Variants in PKNOX2 observed in about 807,000 individuals in gnomAD.
The protein encoded by PKNOX2 is PBX/knotted 1 homeobox 2.
In PKNOX2, 14 loss-of-function variants were observed where a neutral mutation model predicts 53.1. The observed-to-expected ratio is 0.26, with a 90% CI of 0.17 to 0.41. PKNOX2 has a LOEUF of 0.41. PKNOX2 is among the 10% of genes least tolerant of loss of function. PKNOX2 has a pLI of 1.00. For synonymous variants in PKNOX2, 257 were observed against 242.8 expected, an observed-to-expected ratio of 1.06 and a Z score of -0.54; for missense variants, 496 against 602.8, an observed-to-expected ratio of 0.82 and a Z score of 1.85.
chr11:125,323,127 G>A lies in PKNOX2; in HGVS notation c.-129-8692G>A, dbSNP rs376045681. Among the ~76,000 whole-genome samples the A allele has an allele frequency of 3.9e-5, 6 of 152,168 alleles. No individual in the cohort carries two copies. The South Asian group carries it at 1.0e-3, about 26-fold the overall frequency. On this transcript the variant is annotated intron_variant, in intron 2 of 12. Coordinates refer to ENST00000298282, the MANE Select transcript of PKNOX2 (RefSeq NM_001382323.2). ...CTGATGCAGGAGAGTTATGGATGGA[G>A]GCCAGGTATCTTGGCTCCCAGTGCG... is the stretch of plus-strand genomic sequence containing the variant.
chr11:125,189,223 T>C (rs1324252676), intron 1 of PKNOX2, among the ~76,000 whole-genome samples: 2 of 151,522 alleles, frequency 1.3e-5, no homozygotes. Context: ...TCTGCCAGTC[T>C]GGCCATTTGG....
At position 125,262,220 on chromosome 11, in the gene PKNOX2, G is replaced by T. The variant is rs182059308; in HGVS notation, c.-130+27105G>T. Among the ~76,000 whole-genome samples the T allele has an allele frequency of 2.2e-4, 34 of 152,176 alleles. 1 individual carries two copies. The highest frequency in any genetic ancestry group is 4.8e-4 in the African/African-American group (20 of 41,514). ...ACAGTGAGACAGTGGAGGCGGCGGT[G>T]GGGGGGTGGTTCTTTATGCAGCTGC... On this transcript the variant is annotated intron_variant, in intron 2 of 12. Coordinates refer to ENST00000298282, the MANE Select transcript of PKNOX2 (RefSeq NM_001382323.2).
intron 1 of PKNOX2, among the ~76,000 whole-genome samples, chr11:125,176,527 G>C (rs1181407669): frequency 6.6e-6 from 1 of 152,198 alleles, no homozygotes; most frequent in Admixed American, 6.5e-5. Flanking sequence ...ATGACCTACT[G>C]TGGGGGTCTG....
intron 2 of PKNOX2, among the ~76,000 whole-genome samples, chr11:125,277,271 T>C (rs1353128618): frequency 6.6e-6 from 1 of 152,138 alleles, no homozygotes; most frequent in South Asian, 2.1e-4. Flanking sequence ...TAAAGGCTCA[T>C]TGAAGCTAGG....
chr11:125,360,216 C>T (rs985164914), intron 4 of PKNOX2, among the ~76,000 whole-genome samples: 10 of 151,040 alleles, frequency 6.6e-5, no homozygotes, highest in African/African-American at 1.2e-4. Flanking sequence ...GGGTGTTCAG[C>T]GTTTTCAGAA....
intron 2 of PKNOX2, among the ~76,000 whole-genome samples, chr11:125,259,985 T>C (rs966950647): frequency 1.6e-4 from 24 of 151,850 alleles, no homozygotes; most frequent in African/African-American, 5.8e-4. Flanking sequence ...CAAGCGATCC[T>C]CCTGCCTCAC....
intron 5 of PKNOX2, among the ~76,000 whole-genome samples, chr11:125,372,198 G>A (rs1952594987): frequency 6.6e-6 from 1 of 152,146 alleles, no homozygotes; most frequent in African/African-American, 2.4e-5. Flanking sequence ...GGCGGGGAAG[G>A]GGAGCAGCTC....
At chr11:125,183,065 C>A (rs1279596273) in intron 1 of PKNOX2, among the ~76,000 whole-genome samples, 1 of 152,154 alleles carries the variant, frequency 6.6e-6, no homozygotes, top group East Asian at 1.9e-4. Flanking sequence ...GTAACTCATT[C>A]GAAGCTCCAC....
chr11:125,227,251 G>A (rs1449370849), intron 1 of PKNOX2, among the ~76,000 whole-genome samples: 1 of 152,146 alleles, frequency 6.6e-6, no homozygotes, highest in African/African-American at 2.4e-5. Context: ...TCAGTAATTT[G>A]CCTTGGTGTT....
intron 3 of PKNOX2, among the ~76,000 whole-genome samples, chr11:125,333,049 G>C (rs964793560): frequency 2.2e-4 from 33 of 152,326 alleles, no homozygotes; most frequent in African/African-American, 7.9e-4. Flanking sequence ...AGTGTGGGTT[G>C]GGCGATGCCC....
chr11:125,253,185 A>C (rs1224968306), intron 2 of PKNOX2, among the ~76,000 whole-genome samples: 2 of 152,194 alleles, frequency 1.3e-5, no homozygotes, highest in African/African-American at 4.8e-5. Flanking sequence ...AGCAATAAAA[A>C]TCTTAATAAA....
chr11:125,410,221 C>T lies in PKNOX2; in HGVS notation c.614C>T (p.Ser205Phe). 1 of 1,614,034 alleles carries T rather than the reference C, an allele frequency of 6.2e-7. No homozygotes were observed. The highest frequency in any genetic ancestry group is 8.5e-7 in the Non-Finnish European group (1 of 1,179,974). Reference protein sequence around the residue: ...SQDLLQNSPNSMSGVSNNPQG... With the variant: ...SQDLLQNSPNFMSGVSNNPQG... ...GACCTCCTGCAGAATTCCCCCAATT[C>T]CATGTCCGGAGTCTCCAATAACCCC... is the stretch of plus-strand genomic sequence containing the variant. Residue 205 changes from serine (S) to phenylalanine (F), a missense_variant, in exon 8 of 13, where the codon TCC (serine) becomes TTC (phenylalanine). Physicochemically the swap from Ser to Phe is radical, Grantham distance 155. This residue lies in a region of PKNOX2 where 141 missense variants were observed against 143.9 expected (regional missense o/e 0.98). Transcript: ENST00000298282.
rs1048602887 is a variant in PKNOX2, at chr11:125,210,846, T to C, written c.-200-24199T>C. 1.4e-4 allele frequency among the ~76,000 whole-genome samples: 22 copies of C among 152,248 alleles called. 1 individual carries two copies. Among genetic ancestry groups the C allele is most frequent in the Middle Eastern group, 3.4e-3 (1 of 294 alleles). ...TGTGTCCTTTACAGGGGTAAAAGGA[T>C]AAACTGCACTGGGGCGTCCTGTTGT... On this transcript the variant is annotated intron_variant, in intron 1 of 12. Transcript: ENST00000298282.
At chr11:125,248,392 A>G (rs1232867025) in intron 2 of PKNOX2, among the ~76,000 whole-genome samples, 1 of 152,122 alleles carries the variant, frequency 6.6e-6, no homozygotes, top group Admixed American at 6.5e-5. Context: ...GGACACTGAT[A>G]CTCTACAGGC....
At chr11:125,306,784 G>T (rs1012928826) in intron 2 of PKNOX2, among the ~76,000 whole-genome samples, 37 of 152,332 alleles carry the variant, frequency 2.4e-4, no homozygotes, top group African/African-American at 8.2e-4. Context: ...ACTCATTCTA[G>T]GTCGGACCAT....
At chr11:125,387,551 C>T (rs1023731641) in intron 6 of PKNOX2, among the ~76,000 whole-genome samples, 7 of 152,122 alleles carry the variant, frequency 4.6e-5, no homozygotes, top group African/African-American at 1.7e-4. Context: ...GTAGGTTCCC[C>T]AGGGTTCTGT....
intron 1 of PKNOX2, among the ~76,000 whole-genome samples, chr11:125,204,865 G>A (rs375180144): frequency 2.4e-4 from 36 of 152,300 alleles, no homozygotes; most frequent in African/African-American, 8.4e-4. Context: ...TTGGTGCTTA[G>A]CAGAGACTGT....
At chr11:125,188,670 G>A (rs576363809) in intron 1 of PKNOX2, among the ~76,000 whole-genome samples, 8 of 152,186 alleles carry the variant, frequency 5.3e-5, no homozygotes, top group African/African-American at 1.7e-4. Context: ...CTGTTAACTC[G>A]GTGGTAATCA....
At chr11:125,348,283 G>A (rs992617149) in intron 3 of PKNOX2, among the ~76,000 whole-genome samples, 3 of 152,206 alleles carry the variant, frequency 2.0e-5, no homozygotes, top group African/African-American at 4.8e-5. Context: ...GCCAGCTTCC[G>A]GACACGGGTG....
Sources: allele counts gnomAD v4.1 joint callset (sites outside exome capture counted in the v4.1 genomes callset), GRCh38; gene constraint gnomAD v4.1.1; regional missense constraint gnomAD v4.1.1; transcripts MANE v1.5; gene names NCBI Gene and HGNC (gene_info 2026-07-23, HGNC 2026-07-21).